The following TINAG variants were observed in gnomAD, a reference collection of about 807,000 sequenced individuals.
TINAG encodes the protein tubulointerstitial nephritis antigen.
A neutral mutation model predicts 72.7 loss-of-function variants in TINAG; 83 were observed. That is an observed-to-expected ratio of 1.14 (90% CI 0.96 to 1.37). TINAG has a LOEUF of 1.37. Ranked by LOEUF, TINAG falls within the 40% of genes most tolerant of loss-of-function variation. The pLI is 0.00. For synonymous variants in TINAG, 234 were observed against 189.9 expected, an observed-to-expected ratio of 1.23 and a Z score of -1.91; for missense variants, 685 against 576.6, an observed-to-expected ratio of 1.19 and a Z score of -1.93.
At chr6:54,325,124 A>G (rs1241195037) in intron 3 of TINAG, among the ~76,000 whole-genome samples, 2 of 152,216 alleles carry the variant, frequency 1.3e-5, no homozygotes, top group South Asian at 2.1e-4. Flanking sequence ...CACCAAGGTC[A>G]TTCTCATCCT....
chr6:54,368,576 T>G (rs904796687), intron 9 of TINAG, among the ~76,000 whole-genome samples: 3 of 151,224 alleles, frequency 2.0e-5, no homozygotes, highest in African/African-American at 7.3e-5. Flanking sequence ...TTATATAAAT[T>G]TATTAGGGTT....
At position 54,371,981 on chromosome 6, in the gene TINAG, G is replaced by GTTTTTTT. The variant is rs576340253; in HGVS notation, c.1251-8524_1251-8518dup. ...GTTTATAAAATGGCTTTCAAGTCAT[G>GTTTTTTT]TTTTTTTTTTTTTTTTTTTTTTTTT... On this transcript the variant is annotated intron_variant, in intron 9 of 10. Transcript: ENST00000259782. Among the ~76,000 whole-genome samples, 53 of 71,432 alleles carry GTTTTTTT rather than the reference G, an allele frequency of 7.4e-4. 6 individuals are homozygous for GTTTTTTT. Among genetic ancestry groups the GTTTTTTT allele is most frequent in the Non-Finnish European group, 9.3e-4 (35 of 37,756 alleles). The allele number at this position is 71,432 out of a possible 152,430, so 46.9% of individuals were successfully genotyped here.
At chr6:54,378,578 G>A (rs553692994) in intron 9 of TINAG, among the ~76,000 whole-genome samples, 2 of 152,270 alleles carry the variant, frequency 1.3e-5, no homozygotes, top group South Asian at 2.1e-4. Context: ...AAAACTGATA[G>A]CAGTTGAACA....
intron 4 of TINAG, among the ~76,000 whole-genome samples, chr6:54,331,264 G>A (rs532426172): frequency 1.3e-5 from 2 of 152,084 alleles, no homozygotes; most frequent in African/African-American, 2.4e-5. Flanking sequence ...CCACCATGAC[G>A]AAGTCGGCTT....
At chr6:54,312,907 C>T (rs981690854) in intron 1 of TINAG, among the ~76,000 whole-genome samples, 1 of 152,102 alleles carries the variant, frequency 6.6e-6, no homozygotes, top group African/African-American at 2.4e-5. Flanking sequence ...TTCTCTCTGA[C>T]CCACTTCTCT....
chr6:54,351,427 T>C (rs1465778711), intron 8 of TINAG, 30 bp downstream of exon 8: 1 of 1,599,752 alleles, frequency 6.3e-7, no homozygotes, highest in Non-Finnish European at 8.6e-7. Context: ...GGTTTTTTCT[T>C]ACTCATTCCT....
chr6:54,320,849 T>C (rs1784474633), intron 2 of TINAG, among the ~76,000 whole-genome samples: 1 of 152,178 alleles, frequency 6.6e-6, no homozygotes, highest in Non-Finnish European at 1.5e-5. Flanking sequence ...TTTTAATGTT[T>C]GAGGTTGATG....
intron 3 of TINAG, among the ~76,000 whole-genome samples, chr6:54,322,066 C>T (rs1784502806): frequency 6.6e-6 from 1 of 152,088 alleles, no homozygotes; most frequent in African/African-American, 2.4e-5. Context: ...CTTTGGGAGG[C>T]CAAGGTGGGT....
At chr6:54,323,426 C>T (rs773009560) in intron 3 of TINAG, among the ~76,000 whole-genome samples, 2 of 152,102 alleles carry the variant, frequency 1.3e-5, no homozygotes, top group African/African-American at 2.4e-5. Flanking sequence ...AAAAATATAA[C>T]CATATTATAT....
intron 4 of TINAG, among the ~76,000 whole-genome samples, chr6:54,332,088 G>T (rs1562155786): frequency 6.6e-6 from 1 of 152,110 alleles, no homozygotes; most frequent in Non-Finnish European, 1.5e-5. Context: ...AGCTACCATG[G>T]ACTTTCTTCA....
intron 4 of TINAG, among the ~76,000 whole-genome samples, chr6:54,332,724 C>A (rs2150946433): frequency 6.6e-6 from 1 of 152,258 alleles, no homozygotes; most frequent in South Asian, 2.1e-4. Flanking sequence ...ATCCATCTGA[C>A]AAAGGACTAA....
chr6:54,351,405 T>C lies in TINAG; in HGVS notation c.1126+8T>C. 1 of 1,609,424 alleles carries C rather than the reference T, an allele frequency of 6.2e-7. No homozygotes were observed. Among genetic ancestry groups the C allele is most frequent in the Non-Finnish European group, 8.5e-7 (1 of 1,177,210 alleles). On this transcript the variant is annotated splice_region_variant and intron_variant, in intron 8 of 10. Coordinates refer to ENST00000259782, the MANE Select transcript of TINAG (RefSeq NM_014464.4). Reference sequence around the variant, plus strand: ...AAAATGGACCAGTTCAAGGTAAGCTTGAATGAAATACGGTTTTTTCTTACT... The same window carrying C: ...AAAATGGACCAGTTCAAGGTAAGCTCGAATGAAATACGGTTTTTTCTTACT...
intron 9 of TINAG, among the ~76,000 whole-genome samples, chr6:54,360,378 G>A (rs1763187737): frequency 6.6e-6 from 1 of 151,580 alleles, no homozygotes; most frequent in African/African-American, 2.4e-5. Context: ...AAATATTTCT[G>A]ATTAAACTAA....
At position 54,390,089 on chromosome 6, in the gene TINAG, C is replaced by T. The variant is rs1455327933; in HGVS notation, c.*164C>T. ...CTCTGGTCTATGCTTCTGCTTCCTT[C>T]ATATTACTGAGCATTAACAACACCA... On this transcript the variant is annotated 3_prime_UTR_variant, in exon 11 of 11. Transcript: ENST00000259782. 1.1e-6 allele frequency: 1 copy of T among 910,652 alleles called. No homozygotes were observed. Among genetic ancestry groups the T allele is most frequent in the East Asian group, 2.9e-5 (1 of 34,824 alleles). The allele number at this position is 910,652 out of a possible 1,614,324, so 56.4% of individuals were successfully genotyped here.
Position 54,308,726 on chromosome 6 carries a change from A to C in TINAG, c.176A>C (p.Asn59Thr). 1 of 1,613,934 alleles carries C rather than the reference A, an allele frequency of 6.2e-7. No homozygotes were observed. ...RAIFQGQYCRNFGCCEDRDDG... is the reference protein window; with the variant it reads ...RAIFQGQYCRTFGCCEDRDDG... The stretch of plus-strand genomic sequence containing the variant: ...ATTTTCCAAGGGCAATACTGTAGAA[A>C]TTTTGGCTGTTGTGAAGACAGAGAT... The change falls in exon 1 of 11, where the codon AAT becomes ACT. Residue 59 changes from asparagine (N) to threonine (T), a missense_variant. Coordinates refer to ENST00000259782, the MANE Select transcript of TINAG (RefSeq NM_014464.4).
At chr6:54,381,869 T>C (rs1401357740) in intron 10 of TINAG, among the ~76,000 whole-genome samples, 1 of 152,178 alleles carries the variant, frequency 6.6e-6, no homozygotes, top group South Asian at 2.1e-4. Flanking sequence ...CAACAGTTCT[T>C]AGCATATAGC....
At position 54,308,701 on chromosome 6, in the gene TINAG, A is replaced by G. The variant is rs764937719; in HGVS notation, c.151A>G (p.Ile51Val). Residue 51 changes from isoleucine to valine, a missense_variant, in exon 1 of 11, where the codon ATT becomes GTT. Transcript: ENST00000259782. ...GCAAGGTACTCGATTCAAAAGAGCC[A>G]TTTTCCAAGGGCAATACTGTAGAAA... ...VLQGTRFKRAIFQGQYCRNFG... is the reference protein window; with the variant it reads ...VLQGTRFKRAVFQGQYCRNFG... The G allele has an allele frequency of 3.1e-6, 5 of 1,613,910 alleles. No individual in the cohort carries two copies. Among genetic ancestry groups the G allele is most frequent in the South Asian group, 1.1e-5 (1 of 91,082 alleles).
chr6:54,382,084 C>T (rs911555209), intron 10 of TINAG, among the ~76,000 whole-genome samples: 1 of 152,044 alleles, frequency 6.6e-6, no homozygotes, highest in African/African-American at 2.4e-5. Flanking sequence ...TGCACACTAT[C>T]CCTTTTAACT....
At chr6:54,330,148 C>A (rs1784703403) in intron 4 of TINAG, among the ~76,000 whole-genome samples, 1 of 152,134 alleles carries the variant, frequency 6.6e-6, no homozygotes, top group Admixed American at 6.6e-5. Context: ...AACTCTCCAC[C>A]CCAAATCAAC....
Sources: gnomAD v4.1 joint callset for allele counts (sites outside exome capture counted in the v4.1 genomes callset) on GRCh38, gnomAD v4.1.1 for gene constraint, MANE v1.5 for transcripts, NCBI Gene and HGNC (gene_info 2026-07-23, HGNC 2026-07-21) for gene names.